Variants in ZNF608 observed in about 807,000 individuals in gnomAD.
ZNF608 encodes the protein zinc finger protein 608, also known as renal carcinoma antigen NY-REN-36.
ZNF608 carries 12 observed loss-of-function variants against 109.0 expected under a neutral mutation model. That is an observed-to-expected ratio of 0.11 (90% CI 0.07 to 0.18). The LOEUF (loss-of-function observed/expected upper bound fraction) is 0.18, where lower values mean the gene tolerates loss of function less well. Ranked by LOEUF, ZNF608 falls within the 10% of genes least tolerant of loss-of-function variation. The pLI, the probability that ZNF608 is intolerant of heterozygous loss-of-function variation, is 1.00. For synonymous variants in ZNF608, 732 were observed against 717.4 expected (o/e 1.02, Z -0.33); for missense variants, 1,707 against 1,879.3 (o/e 0.91, Z 1.70).
chr5:124,646,301 A>T (rs1750501600), intron 5 of ZNF608, among the ~76,000 whole-genome samples: 2 of 152,182 alleles, frequency 1.3e-5, no homozygotes, highest in South Asian at 2.1e-4. Context: ...GAGGTTGCAG[A>T]GAGCCAAGAT....
rs781535766 is a variant in ZNF608, at chr5:124,744,692, C to G, written c.298G>C (p.Glu100Gln). 32 of 1,614,088 alleles carry G rather than the reference C, an allele frequency of 2.0e-5. No individual in the cohort carries two copies. Among genetic ancestry groups the G allele is most frequent in the Non-Finnish European group, 2.6e-5 (31 of 1,180,054 alleles). Reference protein sequence around the residue: ...ASAPQGNSHKETSKSKVKRSK... With the variant: ...ASAPQGNSHKQTSKSKVKRSK... Reference sequence around the variant, plus strand: ...CTTTTCACTTTTGATTTGCTGGTCTCTTTGTGTGAATTCCCCTGGGGAGCA... The same window carrying G: ...CTTTTCACTTTTGATTTGCTGGTCTGTTTGTGTGAATTCCCCTGGGGAGCA... Residue 100 changes from glutamate to glutamine, a missense_variant, in exon 2 of 10, where the codon GAG (glutamate) becomes CAG (glutamine). Transcript: ENST00000513986. The surrounding 1 kb of genome is among the most constrained non-coding windows in gnomAD (Gnocchi z 4.5).
chr5:124,690,920 GAA>G (rs1362847701), intron 3 of ZNF608, among the ~76,000 whole-genome samples: 1 of 70,990 alleles, frequency 1.4e-5, no homozygotes, highest in African/African-American at 6.8e-5. Flanking sequence ...CAAAGCAACA[GAA>G]AAACACACAC....
At chr5:124,644,776 G>T in intron 5 of ZNF608, 115 bp from the exon 6 acceptor site, 2 of 888,112 alleles carry the variant, frequency 2.3e-6, no homozygotes, top group Non-Finnish European at 3.3e-6. Flanking sequence ...TTAATGCTAA[G>T]TTGACATTTA....
At chr5:124,712,014 G>T (rs765859746) in intron 2 of ZNF608, among the ~76,000 whole-genome samples, 3 of 152,170 alleles carry the variant, frequency 2.0e-5, no homozygotes, top group African/African-American at 7.2e-5. Context: ...CCGGGTGTAG[G>T]TGTGTGCCTA....
At chr5:124,734,513 G>T (rs112454097) in intron 2 of ZNF608, 1 of 152,178 alleles carries the variant, frequency 6.6e-6, no homozygotes, top group Non-Finnish European at 1.5e-5. Flanking sequence ...CCTAACACTG[G>T]CGTACGGAGG....
At chr5:124,706,170 C>T (rs1010943422) in intron 2 of ZNF608, among the ~76,000 whole-genome samples, 3 of 152,178 alleles carry the variant, frequency 2.0e-5, no homozygotes, top group African/African-American at 4.8e-5. Context: ...GATCTGTCTT[C>T]ACTGGGGGTT....
intron 2 of ZNF608, 31 bp from the exon 3 acceptor site, chr5:124,701,300 G>T: frequency 6.2e-7 from 1 of 1,608,694 alleles, no homozygotes. Context: ...CTGCAGTAGT[G>T]CTGCATTCCG....
chr5:124,705,241 A>G (rs1344680845), intron 2 of ZNF608, among the ~76,000 whole-genome samples: 2 of 152,216 alleles, frequency 1.3e-5, no homozygotes, highest in Non-Finnish European at 2.9e-5. Context: ...AGTTTCCACA[A>G]GGACTCCCTC....
intron 8 of ZNF608, among the ~76,000 whole-genome samples, chr5:124,639,862 G>T (rs1750159660): frequency 6.6e-6 from 1 of 152,014 alleles, no homozygotes; most frequent in Non-Finnish European, 1.5e-5. Flanking sequence ...TCTCCTTCTA[G>T]GTCTTTTATT....
At position 124,727,636 on chromosome 5, in the gene ZNF608, AAAAAAAAAATCAGACC is replaced by A. The variant is rs1264427979; in HGVS notation, c.906+16432_906+16447del. On this transcript the variant is annotated intron_variant, in intron 2 of 9. Coordinates refer to ENST00000513986, the MANE Select transcript of ZNF608 (RefSeq NM_020747.3). ...ACTTCTTAGTTATAAAAGTCCCTTA[AAAAAAAAAATCAGACC>A]AAAAAAAAAAAAAAAAAACCACACA... Among the ~76,000 whole-genome samples, 258 of 144,634 alleles carry A rather than the reference AAAAAAAAAATCAGACC, an allele frequency of 1.8e-3. 3 individuals carry two copies. The highest frequency in any genetic ancestry group is 8.4e-3 in the Admixed American group (116 of 13,826). The allele number at this position is 144,634 out of a possible 152,430, so 94.9% of individuals were successfully genotyped here.
At chr5:124,680,232 G>C (rs537112962) in intron 3 of ZNF608, among the ~76,000 whole-genome samples, 28 of 151,928 alleles carry the variant, frequency 1.8e-4, no homozygotes, top group Non-Finnish European at 2.6e-4. Flanking sequence ...ATTCCATATT[G>C]ACTGAAATTA....
chr5:124,706,515 C>T (rs574221378), intron 2 of ZNF608, among the ~76,000 whole-genome samples: 15 of 152,090 alleles, frequency 9.9e-5, no homozygotes, highest in Non-Finnish European at 1.9e-4. Flanking sequence ...GGGAGAAACA[C>T]TAATATAGTT....
At chr5:124,708,509 C>T (rs12655437) in intron 2 of ZNF608, among the ~76,000 whole-genome samples, 5,397 of 152,256 alleles carry the variant, frequency 0.035, 199 homozygotes, top group East Asian at 0.16. Context: ...ATACCTGAAT[C>T]ACCCTTTATT....
At chr5:124,659,680 T>C (rs1267750046) in intron 3 of ZNF608, among the ~76,000 whole-genome samples, 1 of 152,072 alleles carries the variant, frequency 6.6e-6, no homozygotes, top group African/African-American at 2.4e-5. Flanking sequence ...ATTAGCAGAG[T>C]TCCAGGTTTA....
Position 124,701,396 on chromosome 5 carries a change from AG to A in ZNF608, c.907-128del, listed in dbSNP as rs1753047078. ...CCATTTGCAATTATAATATGCTTTG[AG>A]TGTTTTAATGGTGCCAAAATATAAA... On this transcript the variant is annotated intron_variant, in intron 2 of 9. Coordinates refer to ENST00000513986, the MANE Select transcript of ZNF608 (RefSeq NM_020747.3). 3.1e-6 allele frequency: 4 copies of A among 1,282,400 alleles called. No homozygotes were observed. The Admixed American group carries it at 9.3e-5, about 30-fold the overall frequency. 79.4% of individuals were successfully genotyped at this position (1,282,400 alleles called of 1,614,324 possible).
intron 2 of ZNF608, among the ~76,000 whole-genome samples, chr5:124,724,297 G>C (rs933778185): frequency 3.9e-5 from 6 of 151,954 alleles, no homozygotes; most frequent in Non-Finnish European, 7.4e-5. Context: ...GGAACAGTCT[G>C]GGGGGCATAA....
intron 2 of ZNF608, chr5:124,735,105 C>G (rs1036444838): frequency 6.6e-6 from 1 of 152,166 alleles, no homozygotes; most frequent in Non-Finnish European, 1.5e-5. Context: ...TAAAGTAAAT[C>G]CAAGGGCTCA....
chr5:124,704,288 G>A (rs867588281), intron 2 of ZNF608, among the ~76,000 whole-genome samples: 16 of 152,066 alleles, frequency 1.1e-4, no homozygotes, highest in Admixed American at 2.0e-4. Context: ...GAATTTCTTC[G>A]TTTCTTCACT....
chr5:124,660,512 A>G (rs749191083), intron 3 of ZNF608, among the ~76,000 whole-genome samples: 9 of 152,270 alleles, frequency 5.9e-5, no homozygotes, highest in Non-Finnish European at 8.8e-5. Context: ...CTCTGCAGTC[A>G]TTTCTGAGGA....
Sources: gnomAD v4.1 joint callset for allele counts (sites outside exome capture counted in the v4.1 genomes callset) on GRCh38, gnomAD v4.1.1 for gene constraint, Gnocchi (gnomAD v3.1) non-coding constraint, MANE v1.5 for transcripts, NCBI Gene and HGNC (gene_info 2026-07-23, HGNC 2026-07-21) for gene names.